The following ADD1 variants were observed in gnomAD, a reference collection of about 807,000 sequenced individuals.
ADD1 encodes alpha-adducin.
A neutral mutation model predicts 80.5 loss-of-function variants in ADD1; 24 were observed. That is an observed-to-expected ratio of 0.30 (90% confidence interval 0.22 to 0.42). ADD1 has a LOEUF of 0.42. Ranked by LOEUF, ADD1 falls within the 10% of genes least tolerant of loss-of-function variation. The pLI is 1.00. For missense variants in ADD1, 948 were observed against 1,019.0 expected, an observed-to-expected ratio of 0.93 and a Z score of 0.95; for synonymous variants, 373 against 393.8, an observed-to-expected ratio of 0.95 and a Z score of 0.63.
intron 14 of ADD1, among the ~76,000 whole-genome samples, chr4:2,924,564 C>CCTGGGCCGTCGTCATCCTGGGA: frequency 6.6e-6 from 1 of 152,370 alleles, no homozygotes; most frequent in South Asian, 2.1e-4. Context: ...CTGTTGCTCT[C>CCTGGGCCGTCGTCATCCTGGGA]CTGGGCCGTC....
intron 12 of ADD1, 174 bp downstream of exon 12, chr4:2,908,778 A>G: frequency 1.6e-6 from 1 of 624,150 alleles, no homozygotes. Flanking sequence ...GTTGAGTTCT[A>G]GAAGGAGCGA....
chr4:2,926,775 A>G lies in ADD1; in HGVS notation c.2047+663A>G. The G allele has an allele frequency of 1.5e-6, 2 of 1,365,010 alleles. No homozygotes were observed. The highest frequency in any genetic ancestry group is 2.0e-6 in the Non-Finnish European group (2 of 989,604). The allele number at this position is 1,365,010 out of a possible 1,614,324, so 84.6% of individuals were successfully genotyped here. On this transcript the variant is annotated intron_variant, in intron 15 of 15. Transcript: ENST00000683351. The surrounding 1 kb of genome is among the most constrained non-coding windows in gnomAD (Gnocchi z 5.0). The stretch of plus-strand genomic sequence containing the variant: ...TTAAGTTTTGTTTTCTGTTTATTTA[A>G]AATAAAAACAGAAGCCCCCCTTTTT...
intron 15 of ADD1, among the ~76,000 whole-genome samples, chr4:2,927,006 C>G (rs560163964): frequency 2.0e-5 from 3 of 152,198 alleles, no homozygotes; most frequent in African/African-American, 7.2e-5. Flanking sequence ...AGTGCAGCCT[C>G]GGTTCAGACA....
intron 1 of ADD1, among the ~76,000 whole-genome samples, chr4:2,852,456 A>G (rs970309259): frequency 6.8e-6 from 1 of 147,960 alleles, no homozygotes; most frequent in African/African-American, 2.5e-5. Context: ...CGTACTGAGT[A>G]GCTGGGATTA....
intron 3 of ADD1, among the ~76,000 whole-genome samples, chr4:2,883,484 T>C (rs908390849): frequency 6.6e-6 from 1 of 152,150 alleles, no homozygotes; most frequent in African/African-American, 2.4e-5. Flanking sequence ...TTAGTCTTTC[T>C]TCTTTAGTTT....
rs1386121890 is a variant in ADD1, at chr4:2,929,760, C to G, written c.*1237C>G. On this transcript the variant is annotated 3_prime_UTR_variant, in exon 16 of 16. Coordinates refer to ENST00000683351, the MANE Select transcript of ADD1 (RefSeq NM_001354761.2). The stretch of plus-strand genomic sequence containing the variant: ...GCGAGAACCAGGCTGCTGCATGGCA[C>G]TGACCGCCGCTTCCAGCTTCCTCTG... 3 of 152,496 alleles carry G rather than the reference C, an allele frequency of 2.0e-5. No homozygotes were observed. The highest frequency in any genetic ancestry group is 4.4e-5 in the Non-Finnish European group (3 of 68,074). The allele number at this position is 152,496 out of a possible 1,614,324, so 9.4% of individuals were successfully genotyped here.
chr4:2,914,403 C>T (rs1437651693), intron 13 of ADD1, among the ~76,000 whole-genome samples: 1 of 152,250 alleles, frequency 6.6e-6, no homozygotes, highest in East Asian at 1.9e-4. Context: ...TACAAACTAA[C>T]CACAGTCAAA....
intron 13 of ADD1, 53 bp from the exon 14 acceptor site, chr4:2,914,831 A>C: frequency 6.5e-7 from 1 of 1,534,206 alleles, no homozygotes. Context: ...GGGAGGAGGG[A>C]GAGTCCCCAT....
chr4:2,885,756 C>T (rs1182574645), intron 4 of ADD1, among the ~76,000 whole-genome samples: 1 of 151,876 alleles, frequency 6.6e-6, no homozygotes, highest in Non-Finnish European at 1.5e-5. Context: ...ACTACAGGCG[C>T]CCGCCACCAC....
chr4:2,904,870 G>C lies in ADD1; in HGVS notation c.1268G>C (p.Ser423Thr). 6.2e-7 allele frequency: 1 copy of C among 1,614,188 alleles called. No individual in the cohort carries two copies. The highest frequency in any genetic ancestry group is 8.5e-7 in the Non-Finnish European group (1 of 1,180,050). Reference protein sequence around the residue: ...PASVTGYSFASDGDSGTCSPL... With the variant: ...PASVTGYSFATDGDSGTCSPL... ...AGTGTCACAGGTTACTCCTTTGCTA[G>C]TGACGGTGATTCGGGCACTTGCTCC... Residue 423 changes from serine to threonine, a missense_variant, in exon 10 of 16, where the codon AGT becomes ACT. Physicochemically the swap from Ser to Thr is moderately conservative, Grantham distance 58 (BLOSUM62 1). Coordinates refer to ENST00000683351, the MANE Select transcript of ADD1 (RefSeq NM_001354761.2).
At chr4:2,914,058 C>CAAAAAAAAAAAAAAAAAA (rs775339952) in intron 13 of ADD1, among the ~76,000 whole-genome samples, 1 of 120,572 alleles carries the variant, frequency 8.3e-6, no homozygotes, top group Non-Finnish European at 1.8e-5. Flanking sequence ...GACTCCGTCT[C>CAAAAAAAAAAAAAAAAAA]AAAAAAAAAA....
intron 14 of ADD1, among the ~76,000 whole-genome samples, chr4:2,917,521 G>A (rs1480335811): frequency 2.0e-5 from 3 of 152,148 alleles, no homozygotes; most frequent in Non-Finnish European, 2.9e-5. Flanking sequence ...GTGTGCAGAA[G>A]CTCTTTAGTT....
chr4:2,894,368 C>G (rs1251720519), intron 5 of ADD1, among the ~76,000 whole-genome samples: 1 of 151,684 alleles, frequency 6.6e-6, no homozygotes, highest in African/African-American at 2.4e-5. Context: ...ACCAGCCTGG[C>G]CAACATGGCG....
intron 6 of ADD1, 35 bp downstream of exon 6, chr4:2,894,766 A>AATT (rs1341412374): frequency 6.4e-7 from 1 of 1,567,010 alleles, no homozygotes; most frequent in Non-Finnish European, 8.6e-7. Flanking sequence ...TCAAGGTCTA[A>AATT]AGCTGCTGAG....
intron 1 of ADD1, among the ~76,000 whole-genome samples, chr4:2,857,185 T>G (rs1728211005): frequency 6.6e-6 from 1 of 152,202 alleles, no homozygotes. Context: ...GTGCTAAGAT[T>G]ACAGACGTGA....
At chr4:2,927,190 G>C (rs1270265959) in intron 15 of ADD1, among the ~76,000 whole-genome samples, 1 of 152,242 alleles carries the variant, frequency 6.6e-6, no homozygotes, top group Non-Finnish European at 1.5e-5. Flanking sequence ...CTCCGTCCTA[G>C]CATCAGCCAC....
chr4:2,889,104 T>C (rs538559875), intron 4 of ADD1, among the ~76,000 whole-genome samples: 98 of 152,248 alleles, frequency 6.4e-4, no homozygotes, highest in African/African-American at 2.1e-3. Flanking sequence ...TCCTACCAGA[T>C]GTCAAACTTA....
At position 2,928,416 on chromosome 4, in the gene ADD1, G is replaced by T; in HGVS notation, c.2293G>T (p.Ala765Ser). Residue 765 changes from alanine to serine, a missense_variant, in exon 16 of 16, where the codon GCG (alanine) becomes TCG (serine). Transcript: ENST00000683351. Reference protein sequence around the residue: ...APSAVEEGAAADPGSDGSPGK... With the variant: ...APSAVEEGAASDPGSDGSPGK... ...CTCAGCTGTCGAGGAGGGGGCCGCC[G>T]CGGACCCTGGCAGCGATGGGTCTCC... 1 of 1,613,422 alleles carries T rather than the reference G, an allele frequency of 6.2e-7. No individual in the cohort carries two copies. The highest frequency in any genetic ancestry group is 1.1e-5 in the South Asian group (1 of 91,074).
At position 2,919,621 on chromosome 4, in the gene ADD1, C is replaced by T. The variant is rs532544156; in HGVS notation, c.1948+4581C>T. The stretch of plus-strand genomic sequence containing the variant: ...TCTTCTAGATTTTCTAGTTTATTTG[C>T]GTAGAAGTGTTCATAGTATTCTCTG... On this transcript the variant is annotated intron_variant, in intron 14 of 15. Coordinates refer to ENST00000683351, the MANE Select transcript of ADD1 (RefSeq NM_001354761.2). Among the ~76,000 whole-genome samples, 28 of 152,254 alleles carry T rather than the reference C, an allele frequency of 1.8e-4. No individual in the cohort carries two copies. The South Asian group carries it at 5.2e-3, about 28-fold the overall frequency.
Sources: allele counts gnomAD v4.1 joint callset (sites outside exome capture counted in the v4.1 genomes callset), GRCh38; gene constraint gnomAD v4.1.1; non-coding constraint Gnocchi (gnomAD v3.1); transcripts MANE v1.5; gene names NCBI Gene and HGNC (gene_info 2026-07-23, HGNC 2026-07-21).